The following SPAG16 variants were observed in gnomAD, a reference collection of about 807,000 sequenced individuals.
SPAG16 encodes sperm associated antigen 16.
SPAG16 carries 86 observed loss-of-function variants against 80.4 expected under a neutral mutation model. That is an observed-to-expected ratio of 1.07 (90% confidence interval 0.90 to 1.28). The LOEUF (loss-of-function observed/expected upper bound fraction) is 1.28. Ranked by LOEUF, SPAG16 falls within the 50% of genes most tolerant of loss-of-function variation. SPAG16 has a pLI of 0.00. For synonymous variants in SPAG16, 294 were observed against 265.9 expected, an observed-to-expected ratio of 1.11 and a Z score of -1.03; for missense variants, 870 against 765.3, an observed-to-expected ratio of 1.14 and a Z score of -1.61.
intron 9 of SPAG16, among the ~76,000 whole-genome samples, chr2:213,406,763 C>T (rs1226909001): frequency 6.6e-6 from 1 of 151,778 alleles, no homozygotes; most frequent in Non-Finnish European, 1.5e-5. Context: ...TTTGTGGCAC[C>T]AAAACTTTAT....
intron 10 of SPAG16, among the ~76,000 whole-genome samples, chr2:213,499,699 A>G (rs959885263): frequency 2.6e-5 from 4 of 152,216 alleles, no homozygotes; most frequent in African/African-American, 9.6e-5. Flanking sequence ...TAGGGTAGCT[A>G]TAAACACTAC....
intron 9 of SPAG16, among the ~76,000 whole-genome samples, chr2:213,488,828 C>CA (rs2074107706): frequency 6.8e-6 from 1 of 148,070 alleles, no homozygotes; most frequent in South Asian, 2.2e-4. Context: ...TGTAATCCCA[C>CA]CACTTTGGGA....
At chr2:213,597,234 A>G (rs1489023887) in intron 10 of SPAG16, among the ~76,000 whole-genome samples, 1 of 152,176 alleles carries the variant, frequency 6.6e-6, no homozygotes, top group East Asian at 1.9e-4. Flanking sequence ...AATTCAACAC[A>G]TATTTACTAC....
intron 10 of SPAG16, among the ~76,000 whole-genome samples, chr2:213,573,851 A>T (rs147937421): frequency 6.6e-6 from 1 of 152,214 alleles, no homozygotes; most frequent in African/African-American, 2.4e-5. Context: ...ATATTTATGA[A>T]ATACATAAAG....
intron 13 of SPAG16, among the ~76,000 whole-genome samples, chr2:214,059,252 A>G (rs368986468): frequency 1.9e-4 from 19 of 99,460 alleles, no homozygotes; most frequent in Non-Finnish European, 3.5e-4. Flanking sequence ...GTATGTATAT[A>G]TATGTATGTA....
At chr2:214,033,322 A>C (rs1017713325) in intron 13 of SPAG16, among the ~76,000 whole-genome samples, 1 of 152,224 alleles carries the variant, frequency 6.6e-6, no homozygotes, top group Admixed American at 6.5e-5. Context: ...TGAAAAACAT[A>C]TATAAACATG....
At chr2:213,351,275 A>T (rs1005007068) in intron 7 of SPAG16, among the ~76,000 whole-genome samples, 4 of 152,210 alleles carry the variant, frequency 2.6e-5, no homozygotes, top group African/African-American at 9.6e-5. Context: ...ACAGCTATAA[A>T]CATTAACCTT....
intron 15 of SPAG16, among the ~76,000 whole-genome samples, chr2:214,203,819 C>A (rs2058074385): frequency 6.6e-6 from 1 of 152,154 alleles, no homozygotes; most frequent in Non-Finnish European, 1.5e-5. Context: ...CTGGACGGAA[C>A]CTGGAGAAGG....
chr2:214,233,124 A>G (rs1430581869), intron 15 of SPAG16, among the ~76,000 whole-genome samples: 2 of 152,016 alleles, frequency 1.3e-5, no homozygotes, highest in Admixed American at 6.6e-5. Context: ...CAGCAAGTCA[A>G]AAAAAGGGGG....
At chr2:213,553,075 A>T (rs1030495076) in intron 10 of SPAG16, among the ~76,000 whole-genome samples, 1 of 152,058 alleles carries the variant, frequency 6.6e-6, no homozygotes, top group Non-Finnish European at 1.5e-5. Context: ...GTGGGACTTC[A>T]CCTTCACCTT....
At chr2:213,970,139 C>T (rs2044948671) in intron 12 of SPAG16, among the ~76,000 whole-genome samples, 1 of 151,984 alleles carries the variant, frequency 6.6e-6, no homozygotes, top group Non-Finnish European at 1.5e-5. Context: ...AGGGTTTTGC[C>T]CTCATGACCT....
intron 10 of SPAG16, among the ~76,000 whole-genome samples, chr2:213,737,527 G>A (rs1231173640): frequency 1.5e-5 from 2 of 135,600 alleles, no homozygotes; most frequent in Non-Finnish European, 1.5e-5. Context: ...TCGCTCTGTC[G>A]CCTAGGCTGG....
chr2:214,357,357 A>G (rs1038464693), intron 15 of SPAG16, among the ~76,000 whole-genome samples: 2 of 151,898 alleles, frequency 1.3e-5, no homozygotes, highest in African/African-American at 4.8e-5. Context: ...ACCACTTCAC[A>G]CTATTCTCCT....
intron 15 of SPAG16, among the ~76,000 whole-genome samples, chr2:214,339,948 G>T (rs367897171): frequency 1.1e-4 from 17 of 152,206 alleles, no homozygotes; most frequent in African/African-American, 3.6e-4. Context: ...TTGCAGCCAC[G>T]TAAGCCCCTA....
At chr2:213,868,649 G>A (rs2662675) in intron 11 of SPAG16, among the ~76,000 whole-genome samples, 18 of 152,182 alleles carry the variant, frequency 1.2e-4, no homozygotes, top group African/African-American at 4.3e-4. Flanking sequence ...AGCTTATTAT[G>A]TGAAACAGCA....
chr2:213,714,630 AG>A (rs1288159691), intron 10 of SPAG16, among the ~76,000 whole-genome samples: 3 of 152,184 alleles, frequency 2.0e-5, no homozygotes, highest in African/African-American at 7.2e-5. Context: ...ATAATGAACA[AG>A]CATGGCCCCT....
intron 6 of SPAG16, among the ~76,000 whole-genome samples, chr2:213,346,776 G>A (rs947230631): frequency 6.6e-6 from 1 of 152,034 alleles, no homozygotes; most frequent in African/African-American, 2.4e-5. Flanking sequence ...GCTGGATTCG[G>A]TTTGCCAGTA....
At chr2:214,354,616 T>C (rs1360561042) in intron 15 of SPAG16, among the ~76,000 whole-genome samples, 1 of 152,150 alleles carries the variant, frequency 6.6e-6, no homozygotes, top group Admixed American at 6.5e-5. Context: ...CGATATTGAT[T>C]CTTCCTACCC....
intron 13 of SPAG16, among the ~76,000 whole-genome samples, chr2:214,039,667 G>T (rs1465284618): frequency 6.6e-6 from 1 of 152,104 alleles, no homozygotes; most frequent in Non-Finnish European, 1.5e-5. Flanking sequence ...ATTGATCCTT[G>T]ACTGACCACT....
Sources: gnomAD v4.1 joint callset for allele counts (sites outside exome capture counted in the v4.1 genomes callset) on GRCh38, gnomAD v4.1.1 for gene constraint, MANE v1.5 for transcripts, NCBI Gene and HGNC (gene_info 2026-07-23, HGNC 2026-07-21) for gene names.